SEMA3E: variants seen among roughly 807,000 people sequenced by gnomAD.
The protein encoded by SEMA3E is semaphorin 3E.
Under a neutral mutation model 93.6 loss-of-function variants are expected in SEMA3E, and 49 were observed. The observed-to-expected ratio is 0.52, with a 90% CI of 0.42 to 0.66. The LOEUF (loss-of-function observed/expected upper bound fraction) is 0.66. Among genes scored for constraint, SEMA3E ranks in the 30% least tolerant of loss-of-function variants. The pLI, the probability that SEMA3E is intolerant of heterozygous loss-of-function variation, is 0.00. For synonymous variants in SEMA3E, 363 were observed against 330.7 expected (o/e 1.10, Z -1.06); for missense variants, 906 against 964.8 (o/e 0.94, Z 0.81).
intron 2 of SEMA3E, among the ~76,000 whole-genome samples, chr7:83,484,846 T>A (rs1240327037): frequency 6.6e-6 from 1 of 151,630 alleles, no homozygotes; most frequent in Non-Finnish European, 1.5e-5. Context: ...AAAAATAATA[T>A]TATAGTTGCT....
At chr7:83,442,656 G>A (rs767340428) in intron 4 of SEMA3E, among the ~76,000 whole-genome samples, 27 of 151,848 alleles carry the variant, frequency 1.8e-4, no homozygotes, top group Non-Finnish European at 3.4e-4. Flanking sequence ...TTTGTTTGTG[G>A]GTTTTGTTTT....
chr7:83,402,908 T>A (rs1010871611), intron 9 of SEMA3E, 132 bp from the exon 10 acceptor site: 11 of 809,714 alleles, frequency 1.4e-5, no homozygotes, highest in Non-Finnish European at 2.2e-5. Context: ...GCAAAGAATA[T>A]TCTAGGTATG....
At chr7:83,455,685 G>A (rs533185508) in intron 4 of SEMA3E, among the ~76,000 whole-genome samples, 1 of 152,328 alleles carries the variant, frequency 6.6e-6, no homozygotes, top group Admixed American at 6.5e-5. Context: ...TGATGAAGCT[G>A]TGCTGTATGA....
intron 1 of SEMA3E, among the ~76,000 whole-genome samples, chr7:83,625,714 T>C (rs1344964898): frequency 6.6e-6 from 1 of 151,922 alleles, no homozygotes; most frequent in African/African-American, 2.4e-5. Flanking sequence ...TCTGGCATGA[T>C]TGCCCTGGCC....
chr7:83,465,914 G>A (rs1362148263), intron 4 of SEMA3E, among the ~76,000 whole-genome samples: 1 of 152,118 alleles, frequency 6.6e-6, no homozygotes, highest in Non-Finnish European at 1.5e-5. Flanking sequence ...GTTGGGATTT[G>A]CTTTTATTAT....
At chr7:83,606,818 T>C in intron 1 of SEMA3E, among the ~76,000 whole-genome samples, 1 of 151,774 alleles carries the variant, frequency 6.6e-6, no homozygotes, top group Non-Finnish European at 1.5e-5. Context: ...TTTTAACTAA[T>C]GTATGTATTT....
intron 1 of SEMA3E, among the ~76,000 whole-genome samples, chr7:83,591,340 T>A (rs1178798307): frequency 6.6e-6 from 1 of 151,914 alleles, no homozygotes. Context: ...ATGGTAATTT[T>A]GTTACTGTTA....
At chr7:83,553,466 C>T (rs1406589511) in intron 1 of SEMA3E, among the ~76,000 whole-genome samples, 2 of 152,152 alleles carry the variant, frequency 1.3e-5, no homozygotes, top group African/African-American at 2.4e-5. Context: ...TATACACATA[C>T]ATTTGCACAC....
intron 2 of SEMA3E, among the ~76,000 whole-genome samples, chr7:83,488,687 G>C (rs1259753056): frequency 1.3e-5 from 2 of 152,088 alleles, no homozygotes; most frequent in Non-Finnish European, 2.9e-5. Flanking sequence ...GACTATAGGT[G>C]GTGGGCCTGA....
At chr7:83,556,621 G>A (rs576729618) in intron 1 of SEMA3E, among the ~76,000 whole-genome samples, 1 of 152,246 alleles carries the variant, frequency 6.6e-6, no homozygotes, top group South Asian at 2.1e-4. Flanking sequence ...ATGCCATAAT[G>A]GTGTAGATTG....
chr7:83,509,328 T>C (rs1395640650), intron 1 of SEMA3E, among the ~76,000 whole-genome samples: 2 of 152,132 alleles, frequency 1.3e-5, no homozygotes, highest in African/African-American at 4.8e-5. Flanking sequence ...TTGATCCAAA[T>C]GCAGTTTTCA....
In SEMA3E at chr7:83,420,927, A is replaced by T. The variant is rs546605159; in HGVS notation, c.457-2444T>A. Among the ~76,000 whole-genome samples the T allele has an allele frequency of 5.2e-5, 6 of 114,924 alleles. 2 individuals are homozygous for T. Among genetic ancestry groups the T allele is most frequent in the Non-Finnish European group, 1.1e-4 (5 of 47,186 alleles). The allele number at this position is 114,924 out of a possible 152,430, so 75.4% of individuals were successfully genotyped here. A position where few individuals can be genotyped will look rare whatever the true frequency, so the allele number is the denominator to read the frequency against. ...TATTAGCCTTAGCAAAGAGTTTTTGACTTAGTCCTCAAAAGCAATTGCAAC... is the reference window on the plus strand; with the variant it reads ...TATTAGCCTTAGCAAAGAGTTTTTGTCTTAGTCCTCAAAAGCAATTGCAAC... On this transcript the variant is annotated intron_variant, in intron 4 of 16. Coordinates refer to ENST00000643230, the MANE Select transcript of SEMA3E (RefSeq NM_012431.3).
At chr7:83,397,724 A>AT (rs1176297230) in intron 11 of SEMA3E, among the ~76,000 whole-genome samples, 1 of 152,180 alleles carries the variant, frequency 6.6e-6, no homozygotes, top group Non-Finnish European at 1.5e-5. Flanking sequence ...AATGCTGGAC[A>AT]TAATAATTTA....
chr7:83,442,683 C>G (rs933235588), intron 4 of SEMA3E, among the ~76,000 whole-genome samples: 9 of 151,824 alleles, frequency 5.9e-5, no homozygotes, highest in African/African-American at 2.4e-5. Context: ...TTTTTTATAG[C>G]CTTTTTCCCT....
chr7:83,631,008 C>T (rs2115672488), intron 1 of SEMA3E, among the ~76,000 whole-genome samples: 1 of 152,090 alleles, frequency 6.6e-6, no homozygotes, highest in East Asian at 1.9e-4. Flanking sequence ...GGACTTTCTA[C>T]AAGAGAGACT....
intron 1 of SEMA3E, among the ~76,000 whole-genome samples, chr7:83,554,585 G>A (rs1562830603): frequency 6.6e-6 from 1 of 152,074 alleles, no homozygotes; most frequent in African/African-American, 2.4e-5. Flanking sequence ...GTTTCCAAAT[G>A]TAGTAATGTA....
At chr7:83,380,800 T>C (rs1056670341) in intron 16 of SEMA3E, among the ~76,000 whole-genome samples, 1 of 151,982 alleles carries the variant, frequency 6.6e-6, no homozygotes, top group African/African-American at 2.4e-5. Context: ...CGAGTAGATA[T>C]TTACTGAGTT....
intron 1 of SEMA3E, among the ~76,000 whole-genome samples, chr7:83,642,832 T>G (rs992691526): frequency 2.6e-5 from 4 of 152,036 alleles, no homozygotes; most frequent in Non-Finnish European, 4.4e-5. Context: ...TAATTTTAGT[T>G]TAGTTTTGTT....
At chr7:83,646,138 C>G (rs879645470) in intron 1 of SEMA3E, among the ~76,000 whole-genome samples, 5 of 152,032 alleles carry the variant, frequency 3.3e-5, no homozygotes, top group Non-Finnish European at 5.9e-5. Context: ...TGACATATAC[C>G]TAGTGCCTCT....
Sources: allele counts gnomAD v4.1 joint callset (sites outside exome capture counted in the v4.1 genomes callset), GRCh38; gene constraint gnomAD v4.1.1; transcripts MANE v1.5; gene names NCBI Gene and HGNC (gene_info 2026-07-23, HGNC 2026-07-21).